Variants in SPIDR observed in about 807,000 individuals in gnomAD.
SPIDR encodes scaffold protein involved in DNA repair.
A neutral mutation model predicts 104.6 loss-of-function variants in SPIDR; 93 were observed. The observed-to-expected ratio is 0.89, with a 90% CI of 0.75 to 1.06. The LOEUF (loss-of-function observed/expected upper bound fraction) is 1.06. SPIDR is among the 50% of genes least tolerant of loss of function. The probability of loss-of-function intolerance (pLI) is 0.00; values close to 1 mark genes in which losing one functional copy is unlikely to be tolerated. For synonymous variants in SPIDR, 431 were observed against 416.9 expected (o/e 1.03, Z -0.41); for missense variants, 1,154 against 1,111.2 (o/e 1.04, Z -0.55).
chr8:47,402,240 C>A (rs2062004457), intron 6 of SPIDR, among the ~76,000 whole-genome samples: 1 of 152,104 alleles, frequency 6.6e-6, no homozygotes, highest in Non-Finnish European at 1.5e-5. Context: ...TAAATGCCCA[C>A]AAGAGAAAGC....
At chr8:47,271,232 A>C (rs2035256738) in intron 1 of SPIDR, among the ~76,000 whole-genome samples, 2 of 152,080 alleles carry the variant, frequency 1.3e-5, no homozygotes, top group Admixed American at 6.5e-5. Flanking sequence ...TGGAGTTTTT[A>C]AGCTTCTTGG....
At chr8:47,299,891 G>A (rs1295027428) in intron 5 of SPIDR, among the ~76,000 whole-genome samples, 57 of 152,252 alleles carry the variant, frequency 3.7e-4, no homozygotes, top group East Asian at 1.4e-3. Context: ...ATGTTCATCA[G>A]GGATATTGGT....
At position 47,485,237 on chromosome 8, in the gene SPIDR, G is replaced by A. The variant is rs113100769; in HGVS notation, c.1097+44695G>A. ...GCTCGGAGGGTCCCACGCGCACGGA[G>A]CCTCGCTCATTGCTAATACAGCTAG... On this transcript the variant is annotated intron_variant, in intron 8 of 19. Transcript: ENST00000297423. Among the ~76,000 whole-genome samples, 868 of 152,254 alleles carry A rather than the reference G, an allele frequency of 5.7e-3. 3 individuals carry two copies. Among genetic ancestry groups the A allele is most frequent in the Non-Finnish European group, 9.4e-3 (640 of 68,012 alleles).
At chr8:47,562,308 T>C (rs780855593) in intron 8 of SPIDR, among the ~76,000 whole-genome samples, 1 of 152,224 alleles carries the variant, frequency 6.6e-6, no homozygotes, top group African/African-American at 2.4e-5. Flanking sequence ...ATATTACCTG[T>C]GTAACAGTTG....
At position 47,464,113 on chromosome 8, in the gene SPIDR, TACACACACACACACAC is replaced by T. The variant is rs113515816; in HGVS notation, c.1097+23599_1097+23614del. Among the ~76,000 whole-genome samples, 489 of 143,460 alleles carry T rather than the reference TACACACACACACACAC, an allele frequency of 3.4e-3. 3 individuals are homozygous for T. Among genetic ancestry groups the T allele is most frequent in the Admixed American group, 7.6e-3 (110 of 14,456 alleles). The allele number at this position is 143,460 out of a possible 152,430, so 94.1% of individuals were successfully genotyped here. ...TATATGTAGAAAACCCTAAAGATTA[TACACACACACACACAC>T]ACACACACACACACACACACACACA... On this transcript the variant is annotated intron_variant, in intron 8 of 19. Coordinates refer to ENST00000297423, the MANE Select transcript of SPIDR (RefSeq NM_001080394.4).
At chr8:47,325,932 G>A (rs1554600062) in intron 5 of SPIDR, among the ~76,000 whole-genome samples, 1 of 152,188 alleles carries the variant, frequency 6.6e-6, no homozygotes, top group African/African-American at 2.4e-5. Flanking sequence ...GGAAGATAAT[G>A]GCAACTTGAC....
intron 8 of SPIDR, among the ~76,000 whole-genome samples, chr8:47,517,952 C>A (rs1380364879): frequency 3.9e-5 from 6 of 152,148 alleles, no homozygotes. Context: ...AGAGTTCTTG[C>A]CTCTGTATTC....
intron 5 of SPIDR, among the ~76,000 whole-genome samples, chr8:47,297,114 G>A (rs1286529036): frequency 6.6e-6 from 1 of 152,044 alleles, no homozygotes; most frequent in African/African-American, 2.4e-5. Context: ...ATGGTTTTTT[G>A]GTGAAGTTGT....
At chr8:47,371,360 G>T (rs1157799599) in intron 5 of SPIDR, among the ~76,000 whole-genome samples, 1 of 152,080 alleles carries the variant, frequency 6.6e-6, no homozygotes, top group Admixed American at 6.6e-5. Context: ...CACTAACTGT[G>T]CCTGGAGCAA....
At chr8:47,463,057 G>A (rs1012591916) in intron 8 of SPIDR, among the ~76,000 whole-genome samples, 17 of 151,788 alleles carry the variant, frequency 1.1e-4, no homozygotes, top group African/African-American at 3.1e-4. Flanking sequence ...ATATTAAATC[G>A]GTAATAAAAA....
At chr8:47,653,837 A>C (rs569144155) in intron 10 of SPIDR, 6 of 290,080 alleles carry the variant, frequency 2.1e-5, no homozygotes, top group Non-Finnish European at 2.6e-5. Flanking sequence ...AATACATAGT[A>C]AATGTGATGA....
At chr8:47,371,911 C>T (rs1202925508) in intron 5 of SPIDR, among the ~76,000 whole-genome samples, 1 of 152,138 alleles carries the variant, frequency 6.6e-6, no homozygotes, top group Non-Finnish European at 1.5e-5. Context: ...CTGGTTCTGC[C>T]GTATTGACTA....
intron 8 of SPIDR, chr8:47,592,415 T>C: frequency 1.4e-6 from 2 of 1,429,652 alleles, no homozygotes; most frequent in East Asian, 2.3e-5. Context: ...GGGGCTGCCA[T>C]TGAGTATTCT....
intron 7 of SPIDR, among the ~76,000 whole-genome samples, chr8:47,411,782 T>C (rs57418235): frequency 2.0e-5 from 3 of 152,294 alleles, no homozygotes; most frequent in Non-Finnish European, 4.4e-5. Flanking sequence ...GTTTTTATGG[T>C]TTTAGGTCTA....
At chr8:47,549,364 G>A (rs1038468068) in intron 8 of SPIDR, among the ~76,000 whole-genome samples, 2 of 152,122 alleles carry the variant, frequency 1.3e-5, no homozygotes, top group Non-Finnish European at 2.9e-5. Context: ...CACAATAGTT[G>A]AACTAGTTTA....
chr8:47,424,613 C>G (rs770139649), intron 7 of SPIDR, among the ~76,000 whole-genome samples: 1 of 152,192 alleles, frequency 6.6e-6, no homozygotes, highest in African/African-American at 2.4e-5. Context: ...CCACCATACC[C>G]GGACCCTTAG....
intron 8 of SPIDR, among the ~76,000 whole-genome samples, chr8:47,455,811 A>T (rs1287087457): frequency 6.6e-6 from 1 of 152,192 alleles, no homozygotes; most frequent in Non-Finnish European, 1.5e-5. Flanking sequence ...AACATAAAAT[A>T]ATTTTAAATA....
At position 47,426,428 on chromosome 8, in the gene SPIDR, C is replaced by T. The variant is rs77031114; in HGVS notation, c.878-13895C>T. ...TTATCTTTTTTTTTTTTACTTTGTT[C>T]CTTACTACTTTCATTCAACATTTAT... On this transcript the variant is annotated intron_variant, in intron 7 of 19. Coordinates refer to ENST00000297423, the MANE Select transcript of SPIDR (RefSeq NM_001080394.4). Among the ~76,000 whole-genome samples, 540 of 150,222 alleles carry T rather than the reference C, an allele frequency of 3.6e-3. 13 individuals are homozygous for T. In the East Asian group the frequency reaches 0.055, roughly 15 times the overall value.
At chr8:47,713,735 G>A (rs768203488) in intron 16 of SPIDR, 94 bp downstream of exon 16, 1 of 1,498,314 alleles carries the variant, frequency 6.7e-7, no homozygotes, top group Non-Finnish European at 9.0e-7. Context: ...TATTTGTGGA[G>A]CACCCGCTAA....
Sources: allele counts gnomAD v4.1 joint callset (sites outside exome capture counted in the v4.1 genomes callset), GRCh38; gene constraint gnomAD v4.1.1; transcripts MANE v1.5; gene names NCBI Gene and HGNC (gene_info 2026-07-23, HGNC 2026-07-21).